Variants in ESRRG observed in about 807,000 individuals in gnomAD.
ESRRG encodes the protein estrogen related receptor gamma.
ESRRG carries 13 observed loss-of-function variants against 44.0 expected under a neutral mutation model. That is an observed-to-expected ratio of 0.30 (90% CI 0.19 to 0.47). ESRRG has a LOEUF of 0.47. Ranked by LOEUF, ESRRG falls within the 20% of genes least tolerant of loss-of-function variation. The pLI is 1.00. For synonymous variants in ESRRG, 215 were observed against 214.6 expected (o/e 1.00, Z -0.02); for missense variants, 395 against 580.6 (o/e 0.68, Z 3.29).
chr1:216,695,009 A>G (rs561136517), intron 1 of ESRRG, among the ~76,000 whole-genome samples: 2 of 152,294 alleles, frequency 1.3e-5, no homozygotes, highest in African/African-American at 4.8e-5. Flanking sequence ...TGAAGCTATT[A>G]TATTATCTTC....
At chr1:217,005,165 T>C (rs923176017) in intron 1 of ESRRG, among the ~76,000 whole-genome samples, 1 of 152,180 alleles carries the variant, frequency 6.6e-6, no homozygotes, top group African/African-American at 2.4e-5. Context: ...TGTCTTATTT[T>C]CATTAGACTT....
chr1:217,055,212 G>T (rs994640765), intron 1 of ESRRG, among the ~76,000 whole-genome samples: 5 of 152,060 alleles, frequency 3.3e-5, no homozygotes, highest in African/African-American at 1.2e-4. Context: ...AATAGGCAAG[G>T]CCTTTCTGGT....
At chr1:216,641,719 T>C (rs978043701) in intron 3 of ESRRG, among the ~76,000 whole-genome samples, 4 of 152,244 alleles carry the variant, frequency 2.6e-5, no homozygotes, top group African/African-American at 9.6e-5. Context: ...TTCCCAGGAA[T>C]TGAACAGCTT....
At chr1:216,920,605 T>C (rs2061719623) in intron 2 of ESRRG, among the ~76,000 whole-genome samples, 1 of 152,204 alleles carries the variant, frequency 6.6e-6, no homozygotes, top group African/African-American at 2.4e-5. Flanking sequence ...TTATATCATC[T>C]TGTGGTGGTT....
chr1:216,974,725 T>A (rs2072492730), intron 1 of ESRRG, among the ~76,000 whole-genome samples: 1 of 152,122 alleles, frequency 6.6e-6, no homozygotes. Context: ...AAAGTTTTAG[T>A]CTGTGGGCAG....
At chr1:216,881,280 C>G (rs780441583) in intron 2 of ESRRG, among the ~76,000 whole-genome samples, 4 of 152,084 alleles carry the variant, frequency 2.6e-5, no homozygotes, top group Admixed American at 6.6e-5. Flanking sequence ...AGATTATCCT[C>G]AAAATAATTG....
intron 1 of ESRRG, among the ~76,000 whole-genome samples, chr1:216,698,292 T>C (rs1253774260): frequency 1.3e-5 from 2 of 151,920 alleles, no homozygotes; most frequent in Non-Finnish European, 2.9e-5. Flanking sequence ...CCGAGGCAGG[T>C]GGATCACGAA....
At chr1:217,001,640 C>T (rs983028799) in intron 1 of ESRRG, among the ~76,000 whole-genome samples, 5 of 152,022 alleles carry the variant, frequency 3.3e-5, no homozygotes, top group Admixed American at 1.3e-4. Context: ...CCTAAGATAA[C>T]GGCAAGTCTG....
At chr1:217,102,165 A>G (rs1326949744) in intron 1 of ESRRG, among the ~76,000 whole-genome samples, 1 of 152,194 alleles carries the variant, frequency 6.6e-6, no homozygotes, top group Non-Finnish European at 1.5e-5. Context: ...ACATGCATCA[A>G]TTCATAGAAA....
chr1:216,648,839 A>G (rs935404051), intron 3 of ESRRG, among the ~76,000 whole-genome samples: 4 of 152,140 alleles, frequency 2.6e-5, no homozygotes, highest in African/African-American at 7.2e-5. Context: ...TGATTCCTCA[A>G]CTTTCAAGGA....
At chr1:217,136,607 C>A (rs539548266) in intron 1 of ESRRG, among the ~76,000 whole-genome samples, 6 of 152,294 alleles carry the variant, frequency 3.9e-5, no homozygotes, top group South Asian at 2.1e-4. Context: ...TTGCTGCACC[C>A]GCTCACATCT....
At chr1:216,743,497 G>T (rs1275086118) in intron 2 of ESRRG, among the ~76,000 whole-genome samples, 2 of 152,156 alleles carry the variant, frequency 1.3e-5, no homozygotes, top group African/African-American at 4.8e-5. Context: ...TAGAGAGCTG[G>T]TTTAAATTTT....
At chr1:217,045,475 G>A (rs1269618295) in intron 1 of ESRRG, among the ~76,000 whole-genome samples, 2 of 152,170 alleles carry the variant, frequency 1.3e-5, no homozygotes, top group African/African-American at 4.8e-5. Context: ...AGAAAAGGGG[G>A]GACCTGCTAG....
chr1:216,669,407 C>A (rs952392994), intron 2 of ESRRG, among the ~76,000 whole-genome samples: 1 of 151,992 alleles, frequency 6.6e-6, no homozygotes, highest in Non-Finnish European at 1.5e-5. Flanking sequence ...TACTTCTTCA[C>A]CAAAAAAGAA....
intron 1 of ESRRG, among the ~76,000 whole-genome samples, chr1:216,986,275 A>G (rs2074845718): frequency 6.6e-6 from 1 of 152,166 alleles, no homozygotes. Flanking sequence ...AATTATTGTT[A>G]GTTATTCCCG....
intron 2 of ESRRG, among the ~76,000 whole-genome samples, chr1:216,665,827 T>C (rs1353351084): frequency 2.6e-5 from 4 of 152,194 alleles, no homozygotes; most frequent in Non-Finnish European, 4.4e-5. Flanking sequence ...TTTTAAATTG[T>C]ATAAATCAGC....
intron 1 of ESRRG, among the ~76,000 whole-genome samples, chr1:216,681,366 C>T (rs1486829922): frequency 1.3e-5 from 2 of 152,052 alleles, no homozygotes; most frequent in Admixed American, 6.5e-5. Flanking sequence ...CACATGTATA[C>T]ATGTGCCATG....
At chr1:216,676,953 A>G in intron 2 of ESRRG, 123 bp downstream of exon 2, 1 of 694,478 alleles carries the variant, frequency 1.4e-6, no homozygotes, top group Non-Finnish European at 2.4e-6. Flanking sequence ...ATCTATTTCC[A>G]TTTTCTACTC....
intron 5 of ESRRG, among the ~76,000 whole-genome samples, chr1:216,536,602 T>C (rs1375825070): frequency 6.6e-6 from 1 of 152,118 alleles, no homozygotes; most frequent in Non-Finnish European, 1.5e-5. Flanking sequence ...CTTGTTGTGA[T>C]GGTTTCTCTC....
Sources: allele counts gnomAD v4.1 joint callset (sites outside exome capture counted in the v4.1 genomes callset), GRCh38; gene constraint gnomAD v4.1.1; transcripts MANE v1.5; gene names NCBI Gene and HGNC (gene_info 2026-07-23, HGNC 2026-07-21).